Variants in TRPS1 observed in about 807,000 individuals in gnomAD.
TRPS1 encodes zinc finger transcription factor Trps1.
TRPS1 carries 6 observed loss-of-function variants against 101.2 expected under a neutral mutation model. The ratio of observed to expected loss-of-function variants is 0.06; its 90% CI spans 0.03 to 0.12. The LOEUF is 0.12. TRPS1 is among the 10% of genes least tolerant of loss of function. The probability of loss-of-function intolerance (pLI) is 1.00; values close to 1 mark genes in which losing one functional copy is unlikely to be tolerated. For synonymous variants in TRPS1, 578 were observed against 589.8 expected (o/e 0.98, Z 0.29); for missense variants, 1,363 against 1,567.0 (o/e 0.87, Z 2.20).
At chr8:115,542,033 G>A (rs1261307015) in intron 5 of TRPS1, among the ~76,000 whole-genome samples, 2 of 152,164 alleles carry the variant, frequency 1.3e-5, no homozygotes, top group African/African-American at 4.8e-5. Flanking sequence ...AGAGATTAAT[G>A]GTGATAGTAG....
chr8:115,549,575 A>G (rs181607654), intron 5 of TRPS1, among the ~76,000 whole-genome samples: 7 of 151,848 alleles, frequency 4.6e-5, no homozygotes, highest in Admixed American at 3.9e-4. Flanking sequence ...AAGGCTATCT[A>G]TATTCCTTGA....
At chr8:115,426,048 A>G (rs1813178757) in intron 5 of TRPS1, among the ~76,000 whole-genome samples, 2 of 152,192 alleles carry the variant, frequency 1.3e-5, no homozygotes, top group Admixed American at 1.3e-4. Context: ...ATTATTGTTA[A>G]AAGAACTACT....
intron 5 of TRPS1, among the ~76,000 whole-genome samples, chr8:115,470,910 A>T (rs530513474): frequency 2.6e-4 from 39 of 152,308 alleles, no homozygotes; most frequent in African/African-American, 9.4e-4. Context: ...TTAGTTTCTA[A>T]CTTTTCAGAG....
At position 115,535,304 on chromosome 8, in the gene TRPS1, T is replaced by TAGCATATATAGAGCATATATAG. The variant is rs1563583157; in HGVS notation, c.2700+51696_2700+51697insCTATATATGCTCTATATATGCT. 4.5e-4 allele frequency among the ~76,000 whole-genome samples: 48 copies of TAGCATATATAGAGCATATATAG among 107,540 alleles called. 2 individuals are homozygous for TAGCATATATAGAGCATATATAG. Among genetic ancestry groups the TAGCATATATAGAGCATATATAG allele is most frequent in the African/African-American group, 1.3e-3 (44 of 33,280 alleles). 70.6% of individuals were successfully genotyped at this position (107,540 alleles called of 152,430 possible). A position where few individuals can be genotyped will look rare whatever the true frequency, so the allele number is the denominator to read the frequency against. Reference sequence around the variant, plus strand: ...ATATAGCATATATATAGCATATATATAGCATATATAGCATATATAGAGCAT... The same window carrying TAGCATATATAGAGCATATATAG: ...ATATAGCATATATATAGCATATATATAGCATATATAGAGCATATATAGAGCATATATAGCATATATAGAGCAT... On this transcript the variant is annotated intron_variant, in intron 5 of 6. Transcript: ENST00000395715.
chr8:115,565,455 T>C (rs2130380361), intron 5 of TRPS1, among the ~76,000 whole-genome samples: 1 of 150,250 alleles, frequency 6.7e-6, no homozygotes, highest in African/African-American at 2.5e-5. Flanking sequence ...AGTGGTCTCT[T>C]TGTATTTAAT....
intron 5 of TRPS1, among the ~76,000 whole-genome samples, chr8:115,546,180 T>C (rs1816565732): frequency 6.6e-6 from 1 of 151,644 alleles, no homozygotes; most frequent in African/African-American, 2.4e-5. Flanking sequence ...GAAATGAATA[T>C]ATATATTTAT....
chr8:115,527,000 G>A (rs935284739), intron 5 of TRPS1, among the ~76,000 whole-genome samples: 1 of 152,080 alleles, frequency 6.6e-6, no homozygotes, highest in African/African-American at 2.4e-5. Flanking sequence ...GTATAACCCT[G>A]TGTTTCTTTC....
At chr8:115,664,656 C>A (rs1811881413) in intron 1 of TRPS1, among the ~76,000 whole-genome samples, 1 of 152,076 alleles carries the variant, frequency 6.6e-6, no homozygotes, top group African/African-American at 2.4e-5. Context: ...AAACCTATTA[C>A]CTGAAAGCTT....
At chr8:115,429,278 C>G (rs1813261863) in intron 5 of TRPS1, among the ~76,000 whole-genome samples, 1 of 152,178 alleles carries the variant, frequency 6.6e-6, no homozygotes, top group Non-Finnish European at 1.5e-5. Flanking sequence ...CGAACACATA[C>G]CTTATGCTGC....
rs1425739205 is a variant in TRPS1, at chr8:115,411,525, T to G, written c.*2498A>C. On this transcript the variant is annotated 3_prime_UTR_variant, in exon 7 of 7. Coordinates refer to ENST00000395715, the MANE Select transcript of TRPS1 (RefSeq NM_014112.5). ...TCTTTTTACTAAGAAAATTAAATAT[T>G]GTTGTTTGGGGGAATCTCCTCTCTT... 6.6e-6 allele frequency: 1 copy of G among 152,486 alleles called. No individual in the cohort carries two copies. Among genetic ancestry groups the G allele is most frequent in the East Asian group, 1.9e-4 (1 of 5,172 alleles). 9.4% of individuals were successfully genotyped at this position (152,486 alleles called of 1,614,324 possible).
At chr8:115,594,464 T>G (rs1203040382) in intron 4 of TRPS1, among the ~76,000 whole-genome samples, 1 of 152,064 alleles carries the variant, frequency 6.6e-6, no homozygotes, top group Non-Finnish European at 1.5e-5. Context: ...AAAATCTCAC[T>G]GTGTCCCATA....
intron 5 of TRPS1, among the ~76,000 whole-genome samples, chr8:115,581,456 C>T (rs1817448383): frequency 6.6e-6 from 1 of 151,926 alleles, no homozygotes; most frequent in Admixed American, 6.6e-5. Context: ...ATACAAATTA[C>T]CCTAATCCTT....
chr8:115,519,987 C>T (rs1444202012), intron 5 of TRPS1, among the ~76,000 whole-genome samples: 2 of 151,242 alleles, frequency 1.3e-5, no homozygotes, highest in African/African-American at 4.9e-5. Flanking sequence ...CTTTTAATTC[C>T]ATCTAAAATA....
At chr8:115,606,800 C>T (rs1410583100) in intron 3 of TRPS1, among the ~76,000 whole-genome samples, 3 of 98,704 alleles carry the variant, frequency 3.0e-5, no homozygotes, top group Non-Finnish European at 3.7e-5. Flanking sequence ...AGAGAAGGTT[C>T]ATTTGCCAAA....
In TRPS1 at chr8:115,668,039, G is replaced by A. The variant is rs1811971322; in HGVS notation, c.-122+506C>T. ...AGCCAGAAAGAGACAGCGAGGGGGA[G>A]TGGGGCTGCGAGGGGGAGGGGGCAC... On this transcript the variant is annotated intron_variant, in intron 1 of 6. Transcript: ENST00000395715. 5 of 778,696 alleles carry A rather than the reference G, an allele frequency of 6.4e-6. No individual in the cohort carries two copies. The South Asian group carries it at 6.7e-5, about 10-fold the overall frequency. 48.2% of individuals were successfully genotyped at this position (778,696 alleles called of 1,614,324 possible). A position where few individuals can be genotyped will look rare whatever the true frequency, so the allele number is the denominator to read the frequency against.
At chr8:115,522,953 T>A (rs1301457284) in intron 5 of TRPS1, among the ~76,000 whole-genome samples, 2 of 152,134 alleles carry the variant, frequency 1.3e-5, no homozygotes, top group Non-Finnish European at 2.9e-5. Context: ...ATCATGTTAC[T>A]TCCATGTTGA....
At chr8:115,610,392 A>G (rs1818135648) in intron 3 of TRPS1, among the ~76,000 whole-genome samples, 1 of 152,214 alleles carries the variant, frequency 6.6e-6, no homozygotes, top group South Asian at 2.1e-4. Context: ...TAGTGCTTCA[A>G]AAAAACATTC....
intron 5 of TRPS1, among the ~76,000 whole-genome samples, chr8:115,542,822 T>C (rs1445327842): frequency 6.6e-6 from 1 of 152,184 alleles, no homozygotes; most frequent in Admixed American, 6.5e-5. Flanking sequence ...ATTATTATTA[T>C]GAGAGAACTG....
chr8:115,442,877 G>A (rs1464816222), intron 5 of TRPS1, among the ~76,000 whole-genome samples: 1 of 151,894 alleles, frequency 6.6e-6, no homozygotes, highest in Non-Finnish European at 1.5e-5. Context: ...GGATCACGAC[G>A]TCAGGAGATC....
Sources: gnomAD v4.1 joint callset for allele counts (sites outside exome capture counted in the v4.1 genomes callset) on GRCh38, gnomAD v4.1.1 for gene constraint, MANE v1.5 for transcripts, NCBI Gene and HGNC (gene_info 2026-07-23, HGNC 2026-07-21) for gene names.